SH3RF3: variants seen among roughly 807,000 people sequenced by gnomAD.
SH3RF3 encodes the protein E3 ubiquitin-protein ligase SH3RF3.
In SH3RF3, 29 loss-of-function variants were observed where a neutral mutation model predicts 66.3. The ratio of observed to expected loss-of-function variants is 0.44; its 90% CI spans 0.33 to 0.60. The LOEUF is 0.60. Ranked by LOEUF, SH3RF3 falls within the 20% of genes least tolerant of loss-of-function variation. The pLI is 0.04. For missense variants in SH3RF3, 1,194 were observed against 1,190.9 expected (o/e 1.00, Z -0.04); for synonymous variants, 583 against 532.0 (o/e 1.10, Z -1.32).
chr2:109,363,347 C>T lies in SH3RF3; in HGVS notation c.850-8239C>T, dbSNP rs533457050. 8.3e-4 allele frequency among the ~76,000 whole-genome samples: 127 copies of T among 152,208 alleles called. 2 individuals carry two copies. In the South Asian group the frequency reaches 0.024, roughly 29 times the overall value. On this transcript the variant is annotated intron_variant, in intron 2 of 9. Transcript: ENST00000309415. ...CAAGCAGTATGAGTACTTGTAATAA[C>T]AAAATAATACTTATTTCTCCCTCCT...
At chr2:109,372,034 A>G (rs1328106182) in intron 3 of SH3RF3, among the ~76,000 whole-genome samples, 1 of 152,164 alleles carries the variant, frequency 6.6e-6, no homozygotes, top group Non-Finnish European at 1.5e-5. Context: ...CTCTTTTCTC[A>G]TGAGCACCAG....
intron 1 of SH3RF3, among the ~76,000 whole-genome samples, chr2:109,325,864 C>T (rs1318060575): frequency 6.6e-6 from 1 of 152,200 alleles, no homozygotes; most frequent in Admixed American, 6.5e-5. Flanking sequence ...CAAATCACTC[C>T]TGGGAAAAAG....
At chr2:109,186,921 C>T (rs912751330) in intron 1 of SH3RF3, among the ~76,000 whole-genome samples, 4 of 152,300 alleles carry the variant, frequency 2.6e-5, no homozygotes, top group Non-Finnish European at 2.9e-5. Context: ...AGCAAAAAAG[C>T]GTGCTAGAAC....
chr2:109,407,983 G>A (rs1573227494), intron 4 of SH3RF3, among the ~76,000 whole-genome samples: 1 of 152,122 alleles, frequency 6.6e-6, no homozygotes, highest in Admixed American at 6.5e-5. Flanking sequence ...CCAGATCCAC[G>A]GGTTTCTGCC....
chr2:109,381,899 G>A (rs1301766636), intron 3 of SH3RF3, among the ~76,000 whole-genome samples: 1 of 152,092 alleles, frequency 6.6e-6, no homozygotes. Context: ...TGTGCAATGG[G>A]CAAACATGTA....
chr2:109,299,643 C>T (rs758235026), intron 1 of SH3RF3, among the ~76,000 whole-genome samples: 5 of 152,176 alleles, frequency 3.3e-5, no homozygotes, highest in Non-Finnish European at 5.9e-5. Context: ...TTGTAAGGCC[C>T]TTCCTTTGCC....
intron 2 of SH3RF3, among the ~76,000 whole-genome samples, chr2:109,359,576 T>G (rs532465945): frequency 2.3e-4 from 35 of 152,344 alleles, no homozygotes; most frequent in Admixed American, 7.2e-4. Context: ...TGTATCATGT[T>G]TTAACTTAAA....
intron 1 of SH3RF3, among the ~76,000 whole-genome samples, chr2:109,210,226 T>C (rs1412585756): frequency 6.6e-6 from 1 of 152,262 alleles, no homozygotes; most frequent in East Asian, 1.9e-4. Context: ...TTTGGGTGTT[T>C]CTGCCTTTTG....
chr2:109,179,390 G>T (rs1678013159), intron 1 of SH3RF3, among the ~76,000 whole-genome samples: 2 of 152,154 alleles, frequency 1.3e-5, no homozygotes, highest in Admixed American at 1.3e-4. Context: ...GACATGACTT[G>T]CCCAGAGTGG....
intron 8 of SH3RF3, among the ~76,000 whole-genome samples, chr2:109,456,635 C>T (rs776425725): frequency 8.5e-5 from 13 of 152,210 alleles, no homozygotes; most frequent in Admixed American, 8.5e-4. Flanking sequence ...GTCCCCAGTT[C>T]TCCTGTAGAA....
At chr2:109,293,056 G>T (rs1681225865) in intron 1 of SH3RF3, among the ~76,000 whole-genome samples, 1 of 152,168 alleles carries the variant, frequency 6.6e-6, no homozygotes, top group Non-Finnish European at 1.5e-5. Context: ...GCATCTGTCA[G>T]CTGCAGTTCA....
chr2:109,138,136 C>T (rs1233826779), intron 1 of SH3RF3, among the ~76,000 whole-genome samples: 2 of 152,218 alleles, frequency 1.3e-5, no homozygotes, highest in Non-Finnish European at 1.5e-5. Flanking sequence ...CTGCCTCAGC[C>T]TCCCAAGTGG....
chr2:109,459,976 C>G (rs1393907819), intron 8 of SH3RF3, among the ~76,000 whole-genome samples: 2 of 152,118 alleles, frequency 1.3e-5, no homozygotes, highest in African/African-American at 4.8e-5. Flanking sequence ...GAATATTGTC[C>G]CAGCCCTGCA....
intron 1 of SH3RF3, among the ~76,000 whole-genome samples, chr2:109,259,398 G>A (rs1016039683): frequency 3.3e-5 from 5 of 152,196 alleles, no homozygotes; most frequent in Non-Finnish European, 7.3e-5. Context: ...AGGGGAGGCT[G>A]GGCCTCCAGG....
intron 1 of SH3RF3, among the ~76,000 whole-genome samples, chr2:109,293,269 C>T (rs1472209709): frequency 6.6e-6 from 1 of 151,996 alleles, no homozygotes; most frequent in African/African-American, 2.4e-5. Flanking sequence ...GGAAAGCCTT[C>T]TGCTAAAAAT....
intron 3 of SH3RF3, among the ~76,000 whole-genome samples, chr2:109,379,712 C>T (rs1408689955): frequency 6.6e-6 from 1 of 152,316 alleles, no homozygotes; most frequent in East Asian, 1.9e-4. Flanking sequence ...GATGCCAATC[C>T]TGCTTGCATT....
chr2:109,478,627 T>G (rs756238899), intron 8 of SH3RF3, among the ~76,000 whole-genome samples: 6 of 152,216 alleles, frequency 3.9e-5, no homozygotes, highest in Non-Finnish European at 8.8e-5. Flanking sequence ...CCTAAGAAGT[T>G]TGTTGGAATG....
intron 4 of SH3RF3, among the ~76,000 whole-genome samples, chr2:109,410,437 A>G (rs1001655905): frequency 6.6e-6 from 1 of 152,192 alleles, no homozygotes; most frequent in African/African-American, 2.4e-5. Context: ...CCGTGCACCC[A>G]GGGGGCAGCA....
At chr2:109,479,890 C>T (rs1371062339) in intron 8 of SH3RF3, among the ~76,000 whole-genome samples, 1 of 152,128 alleles carries the variant, frequency 6.6e-6, no homozygotes, top group Non-Finnish European at 1.5e-5. Context: ...AACCCACCTG[C>T]AGCACGAGGA....
Sources: allele counts gnomAD v4.1 joint callset (sites outside exome capture counted in the v4.1 genomes callset), GRCh38; gene constraint gnomAD v4.1.1; transcripts MANE v1.5; gene names NCBI Gene and HGNC (gene_info 2026-07-23, HGNC 2026-07-21).